The following ARIH1 variants were observed in gnomAD, a reference collection of about 807,000 sequenced individuals.
ARIH1 encodes E3 ubiquitin-protein ligase ARIH1.
A neutral mutation model predicts 85.0 loss-of-function variants in ARIH1; 8 were observed. The ratio of observed to expected loss-of-function variants is 0.09; its 90% CI spans 0.06 to 0.17. The LOEUF (loss-of-function observed/expected upper bound fraction) is 0.17, where lower values mean the gene tolerates loss of function less well. Ranked by LOEUF, ARIH1 falls within the 10% of genes least tolerant of loss-of-function variation. The pLI is 1.00. For synonymous variants in ARIH1, 238 were observed against 253.6 expected (o/e 0.94, Z 0.59); for missense variants, 311 against 718.1 (o/e 0.43, Z 6.48).
intron 1 of ARIH1, among the ~76,000 whole-genome samples, chr15:72,500,100 C>CT (rs35390888): frequency 6.7e-4 from 98 of 147,162 alleles, no homozygotes; most frequent in African/African-American, 1.8e-3. Context: ...TCATTTCTCT[C>CT]TTTTTTTTTT....
intron 2 of ARIH1, among the ~76,000 whole-genome samples, chr15:72,544,592 A>T (rs755388240): frequency 6.6e-6 from 1 of 152,048 alleles, no homozygotes; most frequent in Non-Finnish European, 1.5e-5. Flanking sequence ...ATGAGAGTAG[A>T]CTGAATTTTT....
intron 1 of ARIH1, 40 bp downstream of exon 1, chr15:72,475,054 G>T: frequency 1.3e-6 from 2 of 1,545,812 alleles, no homozygotes; most frequent in South Asian, 1.2e-5. Flanking sequence ...GGGCCCGACG[G>T]GGGAGCGGAT....
At chr15:72,569,794 C>G (rs747601678) in intron 9 of ARIH1, among the ~76,000 whole-genome samples, 1 of 152,090 alleles carries the variant, frequency 6.6e-6, no homozygotes, top group Non-Finnish European at 1.5e-5. Flanking sequence ...TGATTTGTCT[C>G]TCAGCCCTAC....
chr15:72,548,536 T>C (rs1267265464), intron 3 of ARIH1, among the ~76,000 whole-genome samples: 3 of 152,160 alleles, frequency 2.0e-5, no homozygotes, highest in Admixed American at 6.5e-5. Context: ...TAGGATAAGA[T>C]AGCAAAAGGA....
intron 2 of ARIH1, among the ~76,000 whole-genome samples, chr15:72,524,837 T>G (rs2064019887): frequency 6.6e-6 from 1 of 152,210 alleles, no homozygotes; most frequent in African/African-American, 2.4e-5. Context: ...ATATAGCTGT[T>G]GAATTTATAA....
intron 11 of ARIH1, among the ~76,000 whole-genome samples, chr15:72,573,482 A>G (rs2064257315): frequency 6.6e-6 from 1 of 152,018 alleles, no homozygotes; most frequent in Non-Finnish European, 1.5e-5. Flanking sequence ...AATCGCTTGA[A>G]CCCAGGAGGT....
At chr15:72,545,984 A>G (rs2064127349) in intron 3 of ARIH1, among the ~76,000 whole-genome samples, 1 of 152,226 alleles carries the variant, frequency 6.6e-6, no homozygotes, top group African/African-American at 2.4e-5. Flanking sequence ...ATAGTTAAGC[A>G]TCTCTTTCTA....
chr15:72,555,067 C>T (rs374072259), intron 3 of ARIH1, among the ~76,000 whole-genome samples: 29 of 152,180 alleles, frequency 1.9e-4, no homozygotes, highest in African/African-American at 6.5e-4. Context: ...CATTGTTGCC[C>T]GCCTTTCCTA....
chr15:72,599,385 TAAAG>T lies in ARIH1; in HGVS notation c.*16097_*16100del, dbSNP rs1303576264. The stretch of plus-strand genomic sequence containing the variant: ...TACAAAGTTAAATTTTGTAGAATCA[TAAAG>T]AAAAGCAACACCTTCCCATCTTAAC... On this transcript the variant is annotated 3_prime_UTR_variant, in exon 14 of 14. Coordinates refer to ENST00000379887, the MANE Select transcript of ARIH1 (RefSeq NM_005744.5). 4.6e-5 allele frequency: 7 copies of T among 152,338 alleles called. No homozygotes were observed. The highest frequency in any genetic ancestry group is 7.3e-5 in the Non-Finnish European group (5 of 68,028). The allele number at this position is 152,338 out of a possible 1,614,324, so 9.4% of individuals were successfully genotyped here. A position where few individuals can be genotyped will look rare whatever the true frequency, so the allele number is the denominator to read the frequency against.
chr15:72,501,083 G>T (rs192724605), intron 1 of ARIH1, among the ~76,000 whole-genome samples: 2 of 152,242 alleles, frequency 1.3e-5, no homozygotes, highest in South Asian at 2.1e-4. Flanking sequence ...TAATTATTGA[G>T]CTGTGTATTT....
intron 2 of ARIH1, among the ~76,000 whole-genome samples, chr15:72,536,529 G>T (rs111329655): frequency 1.3e-5 from 2 of 152,100 alleles, no homozygotes; most frequent in South Asian, 4.1e-4. Context: ...AAGCTGAATG[G>T]GGGGGATGTA....
intron 1 of ARIH1, among the ~76,000 whole-genome samples, chr15:72,485,201 C>T (rs2140393053): frequency 6.6e-6 from 1 of 152,316 alleles, no homozygotes; most frequent in Non-Finnish European, 1.5e-5. Flanking sequence ...CTTATAAAAA[C>T]AGTATCTTGC....
At chr15:72,520,638 T>C (rs1320242023) in intron 2 of ARIH1, among the ~76,000 whole-genome samples, 1 of 152,184 alleles carries the variant, frequency 6.6e-6, no homozygotes, top group Non-Finnish European at 1.5e-5. Flanking sequence ...TCTCGAATAA[T>C]TTCAAATTTA....
chr15:72,534,329 AG>A (rs1242718857), intron 2 of ARIH1, among the ~76,000 whole-genome samples: 1 of 151,078 alleles, frequency 6.6e-6, no homozygotes, highest in Non-Finnish European at 1.5e-5. Flanking sequence ...TCATACGTTT[AG>A]GGGGGCTTGT....
chr15:72,531,721 T>C (rs2064058067), intron 2 of ARIH1, among the ~76,000 whole-genome samples: 1 of 152,140 alleles, frequency 6.6e-6, no homozygotes. Context: ...ACAGTGAAAG[T>C]GATAGTAAGA....
chr15:72,549,088 CTTTT>C (rs528063272), intron 3 of ARIH1, among the ~76,000 whole-genome samples: 5 of 139,324 alleles, frequency 3.6e-5, no homozygotes, highest in South Asian at 2.3e-4. Flanking sequence ...CTCTCTCTCT[CTTTT>C]TTTTTTTTTT....
intron 2 of ARIH1, among the ~76,000 whole-genome samples, chr15:72,527,021 T>G (rs1039039244): frequency 3.3e-5 from 5 of 152,336 alleles, no homozygotes; most frequent in Non-Finnish European, 7.3e-5. Flanking sequence ...TGTCAAGTCT[T>G]CCATCTGGGT....
chr15:72,560,459 A>G (rs150107369), intron 5 of ARIH1, among the ~76,000 whole-genome samples: 10 of 152,278 alleles, frequency 6.6e-5, no homozygotes, highest in East Asian at 5.8e-4. Flanking sequence ...TCTGATATCT[A>G]TTTTACAGAT....
intron 1 of ARIH1, among the ~76,000 whole-genome samples, chr15:72,481,329 T>G (rs2063815855): frequency 6.6e-6 from 1 of 152,196 alleles, no homozygotes; most frequent in African/African-American, 2.4e-5. Context: ...TAGTTGAAAT[T>G]TAATAGCAGT....
Sources: allele counts gnomAD v4.1 joint callset (sites outside exome capture counted in the v4.1 genomes callset), GRCh38; gene constraint gnomAD v4.1.1; transcripts MANE v1.5; gene names NCBI Gene and HGNC (gene_info 2026-07-23, HGNC 2026-07-21).